The following ATG16L1 variants were observed in gnomAD, a reference collection of about 807,000 sequenced individuals.
ATG16L1 encodes autophagy-related protein 16-1.
A neutral mutation model predicts 88.5 loss-of-function variants in ATG16L1; 37 were observed. The ratio of observed to expected loss-of-function variants is 0.42; its 90% confidence interval spans 0.32 to 0.55. The LOEUF is 0.55. Ranked by LOEUF, ATG16L1 falls within the 20% of genes least tolerant of loss-of-function variation. The pLI, the probability that ATG16L1 is intolerant of heterozygous loss-of-function variation, is 0.13. For missense variants in ATG16L1, 554 were observed against 752.8 expected, an observed-to-expected ratio of 0.74 and a Z score of 3.09; for synonymous variants, 301 against 281.0, an observed-to-expected ratio of 1.07 and a Z score of -0.71.
Position 233,256,129 on chromosome 2 carries a change from T to A in ATG16L1, c.143T>A (p.Leu48His). Residue 48 changes from leucine (L) to histidine (H), a missense_variant, in exon 2 of 18, where the codon CTT becomes CAT. Physicochemically the swap from Leu to His is moderately conservative, Grantham distance 99 (BLOSUM62 -3). Around this residue, in one of 5 missense-constraint regions of ATG16L1, gnomAD observed 101 missense variants for 107.0 expected, o/e 0.94. Coordinates refer to ENST00000392017, the MANE Select transcript of ATG16L1 (RefSeq NM_030803.7). ...AACAAATTGCTGGAAAAGTCAGATCTTCATTCAGTGTTGGCCCAGAAACTA... is the reference window on the plus strand; with the variant it reads ...AACAAATTGCTGGAAAAGTCAGATCATCATTCAGTGTTGGCCCAGAAACTA... ...QYNKLLEKSD[L>H]HSVLAQKLQA... 6.2e-7 allele frequency: 1 copy of A among 1,614,108 alleles called. No individual in the cohort carries two copies. Among genetic ancestry groups the A allele is most frequent in the Non-Finnish European group, 8.5e-7 (1 of 1,179,982 alleles).
At chr2:233,294,094 A>C (rs927134402) in intron 17 of ATG16L1, among the ~76,000 whole-genome samples, 163 bp from the exon 18 acceptor site, 1 of 152,246 alleles carries the variant, frequency 6.6e-6, no homozygotes, top group Non-Finnish European at 1.5e-5. Flanking sequence ...GGTCTTTTGC[A>C]TGTTAGTGAG....
intron 5 of ATG16L1, among the ~76,000 whole-genome samples, chr2:233,268,274 G>C (rs1160120180): frequency 6.6e-6 from 1 of 152,166 alleles, no homozygotes; most frequent in Non-Finnish European, 1.5e-5. Flanking sequence ...TGGCCAACAT[G>C]GCAAAACCCT....
intron 12 of ATG16L1, 191 bp downstream of exon 12, chr2:233,282,944 A>G: frequency 3.7e-6 from 2 of 547,570 alleles, no homozygotes; most frequent in Non-Finnish European, 6.7e-6. Flanking sequence ...CTCAGTTTCA[A>G]AATATTTGCA....
Position 233,290,372 on chromosome 2 carries a change from T to C in ATG16L1, c.1430+19T>C. The stretch of plus-strand genomic sequence containing the variant: ...ACATTCGGTATGATACCCAAGCTCC[T>C]GACTGGAGGCACATAAGAGTCTCCA... On this transcript the variant is annotated intron_variant, in intron 14 of 17. Transcript: ENST00000392017. The C allele has an allele frequency of 1.3e-6, 2 of 1,586,656 alleles. No homozygotes were observed. The highest frequency in any genetic ancestry group is 8.7e-7 in the Non-Finnish European group (1 of 1,154,932).
chr2:233,254,420 C>T (rs1696633894), intron 1 of ATG16L1, among the ~76,000 whole-genome samples: 1 of 152,162 alleles, frequency 6.6e-6, no homozygotes, highest in African/African-American at 2.4e-5. Context: ...CCACTCATTC[C>T]AGCCTTCCCA....
Position 233,251,909 on chromosome 2 carries a change from C to G in ATG16L1, c.82C>G (p.Gln28Glu). The change falls in exon 1 of 18, where the codon CAG becomes GAG. Residue 28 changes from glutamine to glutamate, a missense_variant. By Grantham distance (29) the Gln-to-Glu change is conservative. Transcript: ENST00000392017. Reference sequence around the variant, plus strand: ...GCAACTGAGGCGCCGGGACCGGCTGCAGAGACAGGCGTTCGAGGAGATCAT... The same window carrying G: ...GCAACTGAGGCGCCGGGACCGGCTGGAGAGACAGGCGTTCGAGGAGATCAT... ...SEQLRRRDRL[Q>E]RQAFEEIILQ... is the part of the protein sequence containing the mutation. 6.4e-7 allele frequency: 1 copy of G among 1,550,452 alleles called. No individual in the cohort carries two copies. The highest frequency in any genetic ancestry group is 8.7e-7 in the Non-Finnish European group (1 of 1,147,512).
chr2:233,269,948 G>T (rs1336499877), intron 5 of ATG16L1, 54 bp from the exon 6 acceptor site: 3 of 1,542,544 alleles, frequency 1.9e-6, no homozygotes, highest in Admixed American at 2.3e-5. Context: ...CCCAAACCCC[G>T]TGCTTTCTTA....
intron 7 of ATG16L1, chr2:233,273,357 C>T: frequency 2.0e-6 from 1 of 493,042 alleles, no homozygotes; most frequent in South Asian, 3.0e-5. Context: ...CATCCTGTTT[C>T]ATTCTTACTA....
rs756970140 is a variant in ATG16L1, at chr2:233,274,715, T to C, written c.891T>C (p.Asn297=). 3.7e-6 allele frequency: 6 copies of C among 1,612,218 alleles called. No individual in the cohort carries two copies. Among genetic ancestry groups the C allele is most frequent in the Admixed American group, 1.7e-5 (1 of 59,962 alleles). ...CTTCCTTCCCAGTCCCCCAGGACAA[T>C]GTGGATACTCATCCTGGTTCTGGTA... is the stretch of plus-strand genomic sequence containing the variant. ...SVSSFPVPQD[N]VDTHPGSGKE... Residue 297 remains asparagine, a synonymous_variant, in exon 9 of 18, where the codon AAT becomes AAC. Transcript: ENST00000392017.
chr2:233,272,846 G>A (rs956576955), intron 6 of ATG16L1, 120 bp from the exon 7 acceptor site: 28 of 789,314 alleles, frequency 3.5e-5, no homozygotes, highest in East Asian at 1.0e-4. Flanking sequence ...AATCTTTAAC[G>A]CATTGCTGTC....
At chr2:233,258,970 G>A (rs1697007407) in intron 2 of ATG16L1, among the ~76,000 whole-genome samples, 1 of 152,150 alleles carries the variant, frequency 6.6e-6, no homozygotes, top group Non-Finnish European at 1.5e-5. Context: ...TTAGTGTTGG[G>A]TTTACAGGCA....
At chr2:233,267,476 GA>G (rs1296871595) in intron 5 of ATG16L1, among the ~76,000 whole-genome samples, 1 of 152,202 alleles carries the variant, frequency 6.6e-6, no homozygotes, top group South Asian at 2.1e-4. Flanking sequence ...AAAATGACTG[GA>G]AGGAATTATA....
At chr2:233,264,163 C>T in intron 4 of ATG16L1, 98 bp downstream of exon 4, 5 of 1,173,148 alleles carry the variant, frequency 4.3e-6, no homozygotes. Context: ...AGTGAGTGGC[C>T]ACAGTGCACT....
chr2:233,273,096 C>T (rs747234490), intron 7 of ATG16L1, 44 bp downstream of exon 7: 1 of 1,491,012 alleles, frequency 6.7e-7, no homozygotes, highest in Admixed American at 1.7e-5. Context: ...GCTTGAGGAG[C>T]AATATGAAGG....
chr2:233,277,973 C>A (rs1029558329), intron 10 of ATG16L1, among the ~76,000 whole-genome samples: 2 of 152,062 alleles, frequency 1.3e-5, no homozygotes, highest in South Asian at 4.2e-4. Context: ...CAAGTATATA[C>A]CAATCAGAGC....
intron 12 of ATG16L1, among the ~76,000 whole-genome samples, chr2:233,284,233 C>T (rs188223497): frequency 6.6e-6 from 1 of 151,832 alleles, no homozygotes; most frequent in East Asian, 1.9e-4. Context: ...ACTGCAACCT[C>T]TGCCTCCCAG....
intron 17 of ATG16L1, among the ~76,000 whole-genome samples, chr2:233,293,617 C>G (rs764452199): frequency 4.7e-4 from 4 of 8,518 alleles, no homozygotes; most frequent in Non-Finnish European, 8.2e-4. Flanking sequence ...ATCCCTGACT[C>G]TTTGGTTATG....
At chr2:233,262,984 T>A in intron 2 of ATG16L1, 146 bp from the exon 3 acceptor site, 1 of 701,550 alleles carries the variant, frequency 1.4e-6, no homozygotes, top group South Asian at 1.8e-5. Flanking sequence ...TAACCGCAGC[T>A]GCTGGAGACA....
In ATG16L1 at chr2:233,286,336, G is replaced by A. The variant is rs79506345; in HGVS notation, c.1204-3518G>A. Among the ~76,000 whole-genome samples, 907 of 152,172 alleles carry A rather than the reference G, an allele frequency of 6.0e-3. 10 individuals carry two copies. The highest frequency in any genetic ancestry group is 0.02 in the African/African-American group (846 of 41,498). On this transcript the variant is annotated intron_variant, in intron 12 of 17. Coordinates refer to ENST00000392017, the MANE Select transcript of ATG16L1 (RefSeq NM_030803.7). ...TGAAGCCTCCCCACTTTGAGGCCCC[G>A]GCCTTGATGACATCTAAACCCGCTG...
Sources: allele counts gnomAD v4.1 joint callset (sites outside exome capture counted in the v4.1 genomes callset), GRCh38; gene constraint gnomAD v4.1.1; regional missense constraint gnomAD v4.1.1; transcripts MANE v1.5; gene names NCBI Gene and HGNC (gene_info 2026-07-23, HGNC 2026-07-21).